The following HADHA variants were observed in gnomAD, a reference collection of about 807,000 sequenced individuals.
The protein encoded by HADHA is hydroxyacyl-CoA dehydrogenase trifunctional multienzyme complex subunit alpha.
In HADHA, 59 loss-of-function variants were observed where a neutral mutation model predicts 91.3. That is an observed-to-expected ratio of 0.65 (90% confidence interval 0.52 to 0.80). The LOEUF (loss-of-function observed/expected upper bound fraction) is 0.80, where lower values mean the gene tolerates loss of function less well. HADHA is among the 30% of genes least tolerant of loss of function. The pLI is 0.00. For synonymous variants in HADHA, 320 were observed against 338.9 expected (o/e 0.94, Z 0.61); for missense variants, 800 against 927.6 (o/e 0.86, Z 1.79).
intron 6 of HADHA, among the ~76,000 whole-genome samples, chr2:26,231,342 G>C (rs1255330373): frequency 6.6e-6 from 1 of 152,146 alleles, no homozygotes; most frequent in Non-Finnish European, 1.5e-5. Flanking sequence ...GAAGCTATAA[G>C]GTTCAGTGGG....
chr2:26,242,978 C>T (rs1670940194), intron 1 of HADHA, among the ~76,000 whole-genome samples: 1 of 152,206 alleles, frequency 6.6e-6, no homozygotes, highest in African/African-American at 2.4e-5. Flanking sequence ...GTCTCGATCT[C>T]CCGACCTCGT....
At chr2:26,199,969 A>G (rs1012854470) in intron 13 of HADHA, among the ~76,000 whole-genome samples, 8 of 152,188 alleles carry the variant, frequency 5.3e-5, no homozygotes, top group Non-Finnish European at 1.2e-4. Context: ...AGCCCTGCCC[A>G]GATTGCAGAA....
intron 14 of HADHA, among the ~76,000 whole-genome samples, chr2:26,196,941 TCTG>T (rs1251648686): frequency 6.6e-6 from 1 of 152,218 alleles, no homozygotes; most frequent in Admixed American, 6.5e-5. Flanking sequence ...TCACTTCTAA[TCTG>T]CTGTGTGCTA....
intron 7 of HADHA, 79 bp downstream of exon 7, chr2:26,230,113 G>T: frequency 1.1e-6 from 1 of 886,600 alleles, no homozygotes; most frequent in Non-Finnish European, 1.9e-6. Flanking sequence ...GTGAGCCACC[G>T]TGCCTGGCCT....
At position 26,193,676 on chromosome 2, in the gene HADHA, C is replaced by T. The variant is rs1363686444; in HGVS notation, c.1786G>A (p.Ala596Thr). The T allele has an allele frequency of 6.2e-7, 1 of 1,613,950 alleles. No homozygotes were observed. Among genetic ancestry groups the T allele is most frequent in the Non-Finnish European group, 8.5e-7 (1 of 1,179,926 alleles). The change falls in exon 17 of 20, where the codon GCG becomes ACG. Residue 596 changes from alanine to threonine, a missense_variant. Ala to Thr is a moderately conservative substitution (Grantham distance 58). Coordinates refer to ENST00000380649, the MANE Select transcript of HADHA (RefSeq NM_000182.5). Reference sequence around the variant, plus strand: ...CCCAGATCTTCCGCCACATGTTTCGCTACATCCACACCAACTTCATCCACC... The same window carrying T: ...CCCAGATCTTCCGCCACATGTTTCGTTACATCCACACCAACTTCATCCACC... The part of the protein sequence containing the change: ...TLVDEVGVDV[A>T]KHVAEDLGKV...
intron 10 of HADHA, 160 bp downstream of exon 10, chr2:26,212,410 A>G (rs1378168850): frequency 1.5e-6 from 1 of 679,042 alleles, no homozygotes; most frequent in African/African-American, 1.8e-5. Flanking sequence ...CTTAGCATCC[A>G]CTTGCTCACT....
In HADHA at chr2:26,236,420, G is replaced by GTGTGTATA. The variant is rs553522257; in HGVS notation, c.314+434_314+435insTATACACA. 4.3e-5 allele frequency among the ~76,000 whole-genome samples: 5 copies of GTGTGTATA among 116,528 alleles called. No individual in the cohort carries two copies. The East Asian group carries it at 6.9e-4, about 16-fold the overall frequency. The allele number at this position is 116,528 out of a possible 152,430, so 76.4% of individuals were successfully genotyped here. A position where few individuals can be genotyped will look rare whatever the true frequency, so the allele number is the denominator to read the frequency against. On this transcript the variant is annotated intron_variant, in intron 4 of 19. Transcript: ENST00000380649. ...TGTGTGTGTGTGTGTGTGTGTGTGTGTATATACTTTTTTTTTTTAAGACAG... is the reference window on the plus strand; with the variant it reads ...TGTGTGTGTGTGTGTGTGTGTGTGTGTGTGTATATATATACTTTTTTTTTTTAAGACAG...
intron 13 of HADHA, among the ~76,000 whole-genome samples, chr2:26,198,636 AAAAGT>A (rs1281923326): frequency 6.9e-6 from 1 of 144,208 alleles, no homozygotes; most frequent in Non-Finnish European, 1.5e-5. Context: ...ATAATGCAAT[AAAAGT>A]AAAGTACTGC....
chr2:26,226,248 C>T (rs180805011), intron 7 of HADHA, among the ~76,000 whole-genome samples: 142 of 152,228 alleles, frequency 9.3e-4, no homozygotes, highest in African/African-American at 3.3e-3. Flanking sequence ...TGTCAATTCT[C>T]CCCAAATTTA....
At chr2:26,194,755 G>A (rs901092829) in intron 15 of HADHA, 117 bp from the exon 16 acceptor site, 7 of 769,396 alleles carry the variant, frequency 9.1e-6, no homozygotes, top group Non-Finnish European at 1.6e-5. Context: ...AACTTAAGGT[G>A]ACTTAAAATC....
chr2:26,197,771 G>C lies in HADHA; in HGVS notation c.1399C>G (p.Pro467Ala), dbSNP rs764448963. 3.4e-6 allele frequency: 5 copies of C among 1,483,160 alleles called. No individual in the cohort carries two copies. In the South Asian group the frequency reaches 5.6e-5, roughly 17 times the overall value. The allele number at this position is 1,483,160 out of a possible 1,614,324, so 91.9% of individuals were successfully genotyped here. ...TTACTGGCAAAGATACAGTGATCTG[G>C]AATCACCTGCAGGGGAAAAGCATTT... ...RVLKEVEAVI[P>A]DHCIFASNTS... The change falls in exon 14 of 20, where the codon CCA becomes GCA. Residue 467 changes from proline (P) to alanine (A), a missense_variant. Transcript: ENST00000380649.
chr2:26,234,391 G>T, intron 4 of HADHA, 36 bp from the exon 5 acceptor site: 1 of 1,585,204 alleles, frequency 6.3e-7, no homozygotes, highest in Non-Finnish European at 8.7e-7. Context: ...CAGAGAAAAA[G>T]ATAAAACTAT....
chr2:26,197,815 C>T, intron 13 of HADHA, 38 bp from the exon 14 acceptor site: 1 of 1,025,180 alleles, frequency 9.8e-7, no homozygotes, highest in Non-Finnish European at 1.6e-6. Context: ...GTCAGGTAGG[C>T]CTGGGAGATG....
Position 26,234,691 on chromosome 2 carries a change from G to A in HADHA, c.315-336C>T, listed in dbSNP as rs557832968. On this transcript the variant is annotated intron_variant, in intron 4 of 19. Coordinates refer to ENST00000380649, the MANE Select transcript of HADHA (RefSeq NM_000182.5). ...TGAGGCAGGAGAACAGTGTGAAACC[G>A]GGAGGTGGAGCTTGCAGTGAGCCGA... Among the ~76,000 whole-genome samples the A allele has an allele frequency of 2.9e-4, 44 of 151,780 alleles. No homozygotes were observed. In the South Asian group the frequency reaches 4.2e-3, roughly 14 times the overall value.
intron 1 of HADHA, among the ~76,000 whole-genome samples, chr2:26,240,250 A>AT (rs1319967032): frequency 6.6e-6 from 1 of 152,174 alleles, no homozygotes; most frequent in Non-Finnish European, 1.5e-5. Flanking sequence ...AAAAACATAT[A>AT]TTGTGACCTC....
chr2:26,240,227 T>C (rs1454619804), intron 1 of HADHA, among the ~76,000 whole-genome samples: 2 of 152,200 alleles, frequency 1.3e-5, no homozygotes, highest in Non-Finnish European at 1.5e-5. Flanking sequence ...ACATAATCTG[T>C]TATTCATTCA....
At chr2:26,195,567 T>C (rs1237286842) in intron 14 of HADHA, among the ~76,000 whole-genome samples, 1 of 139,798 alleles carries the variant, frequency 7.2e-6, no homozygotes, top group East Asian at 2.1e-4. Context: ...ATGATACTGA[T>C]GGTTTAGATA....
At position 26,214,616 on chromosome 2, in the gene HADHA, T is replaced by C; in HGVS notation, c.800-55A>G. On this transcript the variant is annotated intron_variant, in intron 8 of 19. Coordinates refer to ENST00000380649, the MANE Select transcript of HADHA (RefSeq NM_000182.5). The surrounding 1 kb of genome is among the most constrained non-coding windows in gnomAD (Gnocchi z 4.1). ...CTATAAAGAGCCTAGATTCCCTTGT[T>C]AGTTTATGCTCTAAACTCTATAAAA... 1 of 915,400 alleles carries C rather than the reference T, an allele frequency of 1.1e-6. No homozygotes were observed. Among genetic ancestry groups the C allele is most frequent in the Non-Finnish European group, 1.8e-6 (1 of 544,820 alleles). 56.7% of individuals were successfully genotyped at this position (915,400 alleles called of 1,614,324 possible).
At chr2:26,243,744 G>C (rs1670983470) in intron 1 of HADHA, among the ~76,000 whole-genome samples, 1 of 152,168 alleles carries the variant, frequency 6.6e-6, no homozygotes, top group African/African-American at 2.4e-5. Context: ...ATTTGGGATG[G>C]AAAGAAAATG....
Sources: gnomAD v4.1 joint callset for allele counts (sites outside exome capture counted in the v4.1 genomes callset) on GRCh38, gnomAD v4.1.1 for gene constraint, Gnocchi (gnomAD v3.1) non-coding constraint, MANE v1.5 for transcripts, NCBI Gene and HGNC (gene_info 2026-07-23, HGNC 2026-07-21) for gene names.